Variants in PLD5 observed in about 807,000 individuals in gnomAD.
PLD5 encodes inactive phospholipase D5.
In PLD5, 36 loss-of-function variants were observed where a neutral mutation model predicts 61.1. The observed-to-expected ratio is 0.59, with a 90% CI of 0.45 to 0.78. The LOEUF is 0.78. Among genes scored for constraint, PLD5 ranks in the 30% least tolerant of loss-of-function variants. The probability of loss-of-function intolerance (pLI) is 0.00; values close to 1 mark genes in which losing one functional copy is unlikely to be tolerated. For synonymous variants in PLD5, 243 were observed against 242.8 expected, an observed-to-expected ratio of 1.00 and a Z score of -0.01; for missense variants, 515 against 644.4, an observed-to-expected ratio of 0.80 and a Z score of 2.17.
chr1:242,297,408 T>TAA (rs1675741792), intron 2 of PLD5, among the ~76,000 whole-genome samples: 3 of 129,584 alleles, frequency 2.3e-5, no homozygotes, highest in African/African-American at 5.9e-5. Flanking sequence ...CAAGACTTTT[T>TAA]TTTTTTTTTT....
chr1:242,524,060 G>A, intron 1 of PLD5, 28 bp downstream of exon 1: 1 of 1,525,074 alleles, frequency 6.6e-7, no homozygotes, highest in Non-Finnish European at 8.8e-7. Context: ...GTGCCTGGCC[G>A]AGGCCCCCGG....
chr1:242,255,376 A>G (rs316918), intron 4 of PLD5, among the ~76,000 whole-genome samples: 102,742 of 152,070 alleles, frequency 0.68, 35,822 homozygotes, highest in Non-Finnish European at 0.76. Flanking sequence ...AACCTAAGTA[A>G]AAAAAGCCTC....
At chr1:242,359,057 T>C (rs551591894) in intron 1 of PLD5, among the ~76,000 whole-genome samples, 17 of 152,288 alleles carry the variant, frequency 1.1e-4, no homozygotes, top group Middle Eastern at 3.4e-3. Flanking sequence ...AGCTTGACTT[T>C]GCAGGTGACC....
At chr1:242,447,032 T>C (rs184246841) in intron 1 of PLD5, among the ~76,000 whole-genome samples, 2 of 152,282 alleles carry the variant, frequency 1.3e-5, no homozygotes, top group Non-Finnish European at 2.9e-5. Flanking sequence ...AAAATATGTA[T>C]TTAAAAGCAA....
At chr1:242,350,188 C>T (rs1490024169) in intron 1 of PLD5, among the ~76,000 whole-genome samples, 2 of 152,080 alleles carry the variant, frequency 1.3e-5, no homozygotes, top group African/African-American at 2.4e-5. Context: ...TTGGATTTCC[C>T]AGCCTCCAAA....
Position 242,348,196 on chromosome 1 carries a change from G to T in PLD5, c.236C>A (p.Ala79Asp). The change falls in exon 2 of 10, where the codon GCC becomes GAC. Residue 79 changes from alanine to aspartate, a missense_variant. Around this residue, in one of 2 missense-constraint regions of PLD5, gnomAD observed 450 missense variants for 598.1 expected, o/e 0.75. Transcript: ENST00000536534. ...TGAAAAGATCAGTGCAACCAGAATG[G>T]CAAAGCAGCACACCAGGGCAAAGAT... ...IVIFALVCCF[A>D]ILVALIFSAV... The T allele has an allele frequency of 1.9e-6, 3 of 1,612,998 alleles. No individual in the cohort carries two copies. The highest frequency in any genetic ancestry group is 2.5e-6 in the Non-Finnish European group (3 of 1,179,670).
chr1:242,129,405 A>G (rs1663057984), intron 5 of PLD5, among the ~76,000 whole-genome samples: 1 of 152,158 alleles, frequency 6.6e-6, no homozygotes, highest in Non-Finnish European at 1.5e-5. Flanking sequence ...AGTTTTACGT[A>G]TTAGTTCAGG....
intron 2 of PLD5, among the ~76,000 whole-genome samples, chr1:242,299,037 AGTG>A (rs1252968215): frequency 1.3e-5 from 2 of 152,076 alleles, no homozygotes; most frequent in Non-Finnish European, 2.9e-5. Flanking sequence ...AAAAAAAAAA[AGTG>A]GTTACAACTT....
intron 1 of PLD5, among the ~76,000 whole-genome samples, chr1:242,504,571 T>A (rs1668661237): frequency 7.5e-6 from 1 of 132,790 alleles, no homozygotes; most frequent in Non-Finnish European, 1.6e-5. Flanking sequence ...CCTCCATCCA[T>A]GAAAGCATTT....
At chr1:242,516,794 G>C (rs781543994) in intron 1 of PLD5, among the ~76,000 whole-genome samples, 8 of 152,164 alleles carry the variant, frequency 5.3e-5, no homozygotes, top group Non-Finnish European at 8.8e-5. Context: ...CTTGGCTATT[G>C]TTGGCCCTTT....
At chr1:242,463,646 T>C (rs551308993) in intron 1 of PLD5, among the ~76,000 whole-genome samples, 2 of 152,192 alleles carry the variant, frequency 1.3e-5, no homozygotes, top group South Asian at 4.1e-4. Context: ...AGGACCTGCC[T>C]TCCCATCTAT....
rs1185357139 is a variant in PLD5, at chr1:242,524,218, A to G, written c.59T>C (p.Met20Thr). The change falls in exon 1 of 10, where the codon ATG (methionine) becomes ACG (threonine). Residue 20 changes from methionine (M) to threonine (T), a missense_variant. Met to Thr is a moderately conservative substitution (Grantham distance 81). This residue lies in a region of PLD5 where 65 missense variants were observed against 46.3 expected (regional missense o/e 1.40). Coordinates refer to ENST00000536534, the MANE Select transcript of PLD5 (RefSeq NM_001372062.1). The part of the protein sequence containing the change: ...SASPHEGFEQ[M>T]RLKSRPKEPS... ...CTCCTTGGGGCGGCTTTTGAGCCTC[A>G]TCTGCTCGAAGCCCTCATGGGGGGA... The G allele has an allele frequency of 6.5e-7, 1 of 1,532,066 alleles. No homozygotes were observed. The highest frequency in any genetic ancestry group is 2.0e-5 in the Admixed American group (1 of 50,800). The allele number at this position is 1,532,066 out of a possible 1,614,324, so 94.9% of individuals were successfully genotyped here.
intron 1 of PLD5, among the ~76,000 whole-genome samples, chr1:242,443,649 G>A (rs926046397): frequency 3.3e-5 from 5 of 152,160 alleles, no homozygotes; most frequent in Admixed American, 6.6e-5. Context: ...AAGAGTGAAC[G>A]TAAACTGTAT....
At chr1:242,354,520 C>A (rs1401940879) in intron 1 of PLD5, among the ~76,000 whole-genome samples, 2 of 152,190 alleles carry the variant, frequency 1.3e-5, no homozygotes, top group African/African-American at 4.8e-5. Flanking sequence ...AGCCAAAACC[C>A]TCCTGGACTA....
intron 6 of PLD5, among the ~76,000 whole-genome samples, chr1:242,115,470 A>G (rs1022729419): frequency 6.6e-6 from 1 of 152,054 alleles, no homozygotes; most frequent in Non-Finnish European, 1.5e-5. Flanking sequence ...CTTTCAGTGT[A>G]CACACTTCTT....
chr1:242,288,540 G>T lies in PLD5; in HGVS notation c.327-10C>A. ...TTCCACCAGGGCAATTCTTAGAAAA[G>T]ATTTTGAAAAACAAACAAACAAAAT... On this transcript the variant is annotated splice_polypyrimidine_tract_variant and intron_variant, in intron 2 of 9. Coordinates refer to ENST00000536534, the MANE Select transcript of PLD5 (RefSeq NM_001372062.1). The T allele has an allele frequency of 1.3e-6, 2 of 1,591,808 alleles. No individual in the cohort carries two copies. The highest frequency in any genetic ancestry group is 1.7e-6 in the Non-Finnish European group (2 of 1,171,040).
At chr1:242,436,700 C>A (rs1666012898) in intron 1 of PLD5, among the ~76,000 whole-genome samples, 2 of 152,158 alleles carry the variant, frequency 1.3e-5, no homozygotes, top group Admixed American at 1.3e-4. Flanking sequence ...GATTTGGATA[C>A]AAGCTCATGT....
chr1:242,091,597 T>C (rs1032104285), intron 9 of PLD5, among the ~76,000 whole-genome samples: 2 of 152,218 alleles, frequency 1.3e-5, no homozygotes, highest in Non-Finnish European at 1.5e-5. Context: ...TATGCTTCGA[T>C]GTACTTTCAC....
chr1:242,348,925 G>A lies in PLD5; in HGVS notation c.190-683C>T, dbSNP rs141356514. 3.8e-3 allele frequency among the ~76,000 whole-genome samples: 574 copies of A among 152,172 alleles called. 3 individuals carry two copies. Among genetic ancestry groups the A allele is most frequent in the African/African-American group, 0.013 (547 of 41,546 alleles). On this transcript the variant is annotated intron_variant, in intron 1 of 9. Coordinates refer to ENST00000536534, the MANE Select transcript of PLD5 (RefSeq NM_001372062.1). ...AAAAATTAGCTGGGCGTGGTGGCAG[G>A]CGCCTGTAATCCCAGCTACTCTGGA...
Sources: gnomAD v4.1 joint callset for allele counts (sites outside exome capture counted in the v4.1 genomes callset) on GRCh38, gnomAD v4.1.1 for gene constraint, gnomAD v4.1.1 regional missense constraint, MANE v1.5 for transcripts, NCBI Gene and HGNC (gene_info 2026-07-23, HGNC 2026-07-21) for gene names.